Variants in OR2L13 observed in about 807,000 individuals in gnomAD.
OR2L13 encodes olfactory receptor 2L13.
Under a neutral mutation model 15.3 loss-of-function variants are expected in OR2L13, and 14 were observed. That is an observed-to-expected ratio of 0.91 (90% CI 0.60 to 1.43). OR2L13 has a LOEUF of 1.43. Ranked by LOEUF, OR2L13 falls within the 40% of genes most tolerant of loss-of-function variation. The probability of loss-of-function intolerance (pLI) is 0.00; values close to 1 mark genes in which losing one functional copy is unlikely to be tolerated. For missense variants in OR2L13, 367 were observed against 387.9 expected (o/e 0.95, Z 0.45); for synonymous variants, 152 against 142.9 (o/e 1.06, Z -0.45).
chr1:248,073,958 C>T, the OR2L13 span, among the ~76,000 whole-genome samples: 1 of 151,796 alleles, frequency 6.6e-6, no homozygotes, highest in South Asian at 2.1e-4. Flanking sequence ...ATAAGAAAAG[C>T]CCACTAATTG....
the OR2L13 span, chr1:247,990,566 G>C: frequency 1.3e-6 from 2 of 1,565,102 alleles, no homozygotes; most frequent in Non-Finnish European, 8.8e-7. Context: ...GGGATTCAGA[G>C]TTTCTTCTTC....
chr1:248,045,446 G>A, the OR2L13 span, among the ~76,000 whole-genome samples: 38 of 152,144 alleles, frequency 2.5e-4, no homozygotes, highest in African/African-American at 9.2e-4. Flanking sequence ...GGGTAGTTTT[G>A]AGGTAAACCT....
the OR2L13 span, chr1:247,939,365 C>T: frequency 6.6e-6 from 1 of 152,158 alleles, no homozygotes; most frequent in African/African-American, 2.4e-5. Flanking sequence ...ATGAAATTAT[C>T]ACAGGCATGG....
chr1:247,941,441 A>C, the OR2L13 span, among the ~76,000 whole-genome samples: 1 of 152,212 alleles, frequency 6.6e-6, no homozygotes, highest in Non-Finnish European at 1.5e-5. Flanking sequence ...TAGCATTACC[A>C]TGCCCCTCAT....
At chr1:247,999,924 A>G in the OR2L13 span, among the ~76,000 whole-genome samples, 2 of 152,234 alleles carry the variant, frequency 1.3e-5, no homozygotes, top group Middle Eastern at 6.8e-3. Flanking sequence ...TGGAAGTTTC[A>G]AAGATTCAGA....
At chr1:248,098,748 A>T (rs1664786430) in exon 2 of OR2L13, 1 of 152,332 alleles carries the variant, frequency 6.6e-6, no homozygotes, top group Non-Finnish European at 1.5e-5. Context: ...GAGCACACAC[A>T]AAACATGACC....
At chr1:248,017,749 G>A in the OR2L13 span, among the ~76,000 whole-genome samples, 17 of 152,182 alleles carry the variant, frequency 1.1e-4, no homozygotes, top group South Asian at 2.1e-4. Context: ...AATTGAGACA[G>A]TCTCCTAGTG....
the OR2L13 span, among the ~76,000 whole-genome samples, chr1:248,047,247 G>C: frequency 3.9e-5 from 6 of 152,170 alleles, no homozygotes; most frequent in African/African-American, 1.4e-4. Flanking sequence ...GGTGTTTTGT[G>C]CTATTTTGGT....
the OR2L13 span, among the ~76,000 whole-genome samples, chr1:247,953,034 G>A: frequency 3.3e-5 from 5 of 152,236 alleles, no homozygotes; most frequent in East Asian, 1.9e-4. Flanking sequence ...CCTCTAACAT[G>A]CTGTCTTCAC....
chr1:247,976,418 T>G, the OR2L13 span, among the ~76,000 whole-genome samples: 6,510 of 152,270 alleles, frequency 0.043, 452 homozygotes, highest in African/African-American at 0.15. Flanking sequence ...TGCTTAGGCA[T>G]GTGCCTAAAA....
chr1:248,031,807 G>C, the OR2L13 span, among the ~76,000 whole-genome samples: 2 of 152,006 alleles, frequency 1.3e-5, no homozygotes, highest in South Asian at 2.1e-4. Flanking sequence ...GGGGGAGATC[G>C]GAAAAATAAA....
chr1:247,963,503 C>T, the OR2L13 span, among the ~76,000 whole-genome samples: 1,605 of 152,118 alleles, frequency 0.011, 34 homozygotes, highest in African/African-American at 0.036. Context: ...GAAACAAGTC[C>T]GGCTGAATTC....
chr1:247,956,742 G>T, the OR2L13 span, among the ~76,000 whole-genome samples: 4 of 150,080 alleles, frequency 2.7e-5, no homozygotes, highest in South Asian at 2.2e-4. Flanking sequence ...TTGGCTCTCT[G>T]TTTGTCTGTT....
chr1:247,980,206 T>A, the OR2L13 span, among the ~76,000 whole-genome samples: 39 of 152,266 alleles, frequency 2.6e-4, no homozygotes, highest in African/African-American at 9.1e-4. Context: ...AATAGTTGCA[T>A]CATTTTTATC....
chr1:247,949,619 T>G, the OR2L13 span: 4 of 1,614,016 alleles, frequency 2.5e-6, no homozygotes, highest in East Asian at 8.9e-5. Flanking sequence ...ATGCACCTTT[T>G]GTCTACACTT....
the OR2L13 span, chr1:248,060,714 C>A: frequency 2.5e-6 from 4 of 1,613,680 alleles, no homozygotes; most frequent in African/African-American, 4.0e-5. Context: ...CAACTGATTT[C>A]ATCTTATTAG....
chr1:248,066,314 A>C, the OR2L13 span, among the ~76,000 whole-genome samples: 1 of 152,220 alleles, frequency 6.6e-6, no homozygotes, highest in African/African-American at 2.4e-5. Context: ...ACCTTGGCAA[A>C]AAAACTCACA....
chr1:248,038,973 G>T, the OR2L13 span: 4 of 1,614,040 alleles, frequency 2.5e-6, no homozygotes, highest in Middle Eastern at 1.6e-4. Context: ...GAGGAAGAAG[G>T]CCTATTCAAC....
the OR2L13 span, among the ~76,000 whole-genome samples, chr1:248,044,991 G>A: frequency 1.3e-5 from 2 of 151,922 alleles, no homozygotes; most frequent in South Asian, 4.2e-4. Flanking sequence ...GAACCCTGTG[G>A]GCCTGTAACA....
Sources: gnomAD v4.1 joint callset for allele counts (sites outside exome capture counted in the v4.1 genomes callset) on GRCh38, gnomAD v4.1.1 for gene constraint, MANE v1.5 for transcripts, NCBI Gene and HGNC (gene_info 2026-07-23, HGNC 2026-07-21) for gene names.